The following SYT1 variants were observed in gnomAD, a reference collection of about 807,000 sequenced individuals.
SYT1 encodes synaptotagmin-1.
A neutral mutation model predicts 44.8 loss-of-function variants in SYT1; 8 were observed. The ratio of observed to expected loss-of-function variants is 0.18; its 90% confidence interval spans 0.10 to 0.32. The LOEUF (loss-of-function observed/expected upper bound fraction) is 0.32. Ranked by LOEUF, SYT1 falls within the 10% of genes least tolerant of loss-of-function variation. The pLI, the probability that SYT1 is intolerant of heterozygous loss-of-function variation, is 1.00. For synonymous variants in SYT1, 154 were observed against 188.8 expected (o/e 0.82, Z 1.51); for missense variants, 286 against 509.3 (o/e 0.56, Z 4.22).
chr12:79,000,981 A>G (rs998545611), intron 2 of SYT1, among the ~76,000 whole-genome samples: 1 of 152,208 alleles, frequency 6.6e-6, no homozygotes, highest in Non-Finnish European at 1.5e-5. Flanking sequence ...TTTCAAATAC[A>G]TTGGATAATT....
rs532927334 is a variant in SYT1 at position 78,963,172 on chromosome 12, C to CAT, written c.-216-14614_-216-14613dup. On this transcript the variant is annotated intron_variant, in intron 1 of 10. Coordinates refer to ENST00000261205, the MANE Select transcript of SYT1 (RefSeq NM_005639.3). ...TTGAATACTGAATAATATTCAATCG[C>CAT]ATATATATATATATGACATTTTCTT... Among the ~76,000 whole-genome samples the CAT allele has an allele frequency of 1.4e-3, 210 of 150,398 alleles. 1 individual carries two copies. The South Asian group carries it at 0.017, about 12-fold the overall frequency.
chr12:79,071,295 A>G (rs192296284), intron 3 of SYT1, among the ~76,000 whole-genome samples: 61 of 152,288 alleles, frequency 4.0e-4, no homozygotes, highest in African/African-American at 1.3e-3. Flanking sequence ...ACTACTTTCT[A>G]TGCCAGACAC....
At chr12:79,035,710 A>G (rs1399565591) in intron 2 of SYT1, among the ~76,000 whole-genome samples, 1 of 151,694 alleles carries the variant, frequency 6.6e-6, no homozygotes, top group Non-Finnish European at 1.5e-5. Flanking sequence ...ACATAGAATC[A>G]TAAGAGACAT....
intron 3 of SYT1, among the ~76,000 whole-genome samples, chr12:79,155,969 TA>T (rs1264418653): frequency 6.6e-6 from 1 of 152,238 alleles, no homozygotes; most frequent in Non-Finnish European, 1.5e-5. Flanking sequence ...AGCAAATTAC[TA>T]AATCATGTAC....
intron 4 of SYT1, among the ~76,000 whole-genome samples, chr12:79,245,407 G>A (rs1182499198): frequency 3.4e-5 from 5 of 148,736 alleles, no homozygotes; most frequent in South Asian, 2.1e-4. Context: ...CCCGGGAAGC[G>A]GAGCTGCAAT....
intron 3 of SYT1, among the ~76,000 whole-genome samples, chr12:79,148,930 C>T (rs1392167264): frequency 2.0e-5 from 3 of 151,978 alleles, no homozygotes; most frequent in Non-Finnish European, 4.4e-5. Flanking sequence ...TTTAAATTAG[C>T]GTCTCAATAT....
intron 1 of SYT1, among the ~76,000 whole-genome samples, chr12:78,922,905 G>C (rs1397643502): frequency 1.4e-4 from 22 of 151,830 alleles, no homozygotes; most frequent in Admixed American, 1.4e-3. Flanking sequence ...GTGGTTACTT[G>C]CCCAGCAACT....
chr12:79,327,382 A>G (rs1200668622), intron 8 of SYT1, among the ~76,000 whole-genome samples: 6 of 152,318 alleles, frequency 3.9e-5, no homozygotes, highest in Admixed American at 3.9e-4. Context: ...CCTGAAAGCT[A>G]TAGGACTGTT....
At position 79,321,477 on chromosome 12, in the gene SYT1, G is replaced by T. The variant is rs116518775; in HGVS notation, c.810+21926G>T. ...AAGTGATGAGGGATAACTTTAAAAG[G>T]TGCCTATTTAAATTAGCATACAGGC... On this transcript the variant is annotated intron_variant, in intron 8 of 10. Coordinates refer to ENST00000261205, the MANE Select transcript of SYT1 (RefSeq NM_005639.3). Among the ~76,000 whole-genome samples the T allele has an allele frequency of 5.3e-3, 807 of 152,252 alleles. 10 individuals are homozygous for T. The highest frequency in any genetic ancestry group is 0.019 in the African/African-American group (779 of 41,538).
chr12:79,369,377 G>A (rs1353126183), intron 9 of SYT1, among the ~76,000 whole-genome samples: 1 of 152,170 alleles, frequency 6.6e-6, no homozygotes, highest in African/African-American at 2.4e-5. Context: ...ATGGGAAGGT[G>A]AGGCAGGAGG....
At chr12:79,403,284 G>A (rs11114095) in intron 9 of SYT1, among the ~76,000 whole-genome samples, 18,665 of 152,168 alleles carry the variant, frequency 0.12, 1,193 homozygotes, top group Non-Finnish European at 0.14. Flanking sequence ...GGGAGAGAGG[G>A]AGAAAGAGAG....
chr12:78,912,535 G>A (rs1008279951), intron 1 of SYT1, among the ~76,000 whole-genome samples: 1 of 151,840 alleles, frequency 6.6e-6, no homozygotes, highest in Non-Finnish European at 1.5e-5. Context: ...TTTGGTTATT[G>A]TAATAATCTG....
chr12:79,171,738 T>C (rs1172657693), intron 3 of SYT1, among the ~76,000 whole-genome samples: 1 of 152,002 alleles, frequency 6.6e-6, no homozygotes, highest in Non-Finnish European at 1.5e-5. Context: ...GGTTTAGATC[T>C]TGGCTATACT....
At chr12:79,043,973 G>A (rs150247854) in intron 2 of SYT1, among the ~76,000 whole-genome samples, 25,113 of 152,130 alleles carry the variant, frequency 0.17, 2,072 homozygotes, top group South Asian at 0.24. Flanking sequence ...CTTCTGGCTT[G>A]TAGGGTTTCT....
chr12:79,116,854 C>T (rs1879304295), intron 3 of SYT1, among the ~76,000 whole-genome samples: 1 of 152,170 alleles, frequency 6.6e-6, no homozygotes, highest in Non-Finnish European at 1.5e-5. Flanking sequence ...TGAGTTTCAC[C>T]TCTGAAGGCC....
chr12:79,325,019 TC>T (rs1881546519), intron 8 of SYT1, among the ~76,000 whole-genome samples: 1 of 152,230 alleles, frequency 6.6e-6, no homozygotes, highest in African/African-American at 2.4e-5. Flanking sequence ...ATTTTTTGTT[TC>T]CTTTTCCTGG....
At chr12:78,959,350 A>G (rs962510997) in intron 1 of SYT1, among the ~76,000 whole-genome samples, 2 of 152,200 alleles carry the variant, frequency 1.3e-5, no homozygotes, top group African/African-American at 4.8e-5. Flanking sequence ...GAATAAAATT[A>G]TAGGTAACTG....
intron 3 of SYT1, among the ~76,000 whole-genome samples, chr12:79,073,775 A>G (rs1267367931): frequency 6.6e-6 from 1 of 152,104 alleles, no homozygotes; most frequent in Non-Finnish European, 1.5e-5. Flanking sequence ...AGCTGTATGT[A>G]TCTGCTCACC....
chr12:79,037,956 A>T (rs1873246273), intron 2 of SYT1, among the ~76,000 whole-genome samples: 1 of 151,774 alleles, frequency 6.6e-6, no homozygotes. Context: ...TTGATAATGA[A>T]AATGGCATTT....
Sources: allele counts gnomAD v4.1 joint callset (sites outside exome capture counted in the v4.1 genomes callset), GRCh38; gene constraint gnomAD v4.1.1; transcripts MANE v1.5; gene names NCBI Gene and HGNC (gene_info 2026-07-23, HGNC 2026-07-21).